PGAP1: variants seen among roughly 807,000 people sequenced by gnomAD.
PGAP1 encodes the protein GPI inositol-deacylase.
Under a neutral mutation model 127.0 loss-of-function variants are expected in PGAP1, and 76 were observed. That is an observed-to-expected ratio of 0.60 (90% CI 0.50 to 0.72). The LOEUF is 0.72. Among genes scored for constraint, PGAP1 ranks in the 30% least tolerant of loss-of-function variants. PGAP1 has a pLI of 0.00. For missense variants in PGAP1, 982 were observed against 1,071.3 expected, an observed-to-expected ratio of 0.92 and a Z score of 1.16; for synonymous variants, 362 against 366.5, an observed-to-expected ratio of 0.99 and a Z score of 0.14.
rs1347562327 is a variant in PGAP1 at position 196,835,508 on chromosome 2, A to C, written c.*5726T>G. On this transcript the variant is annotated 3_prime_UTR_variant, in exon 27 of 27. Transcript: ENST00000354764. ...ACCCAATAAAATCAGAAAACATTCAAGCAATCACACAAAATAGAACACACT... is the reference window on the plus strand; with the variant it reads ...ACCCAATAAAATCAGAAAACATTCACGCAATCACACAAAATAGAACACACT... The C allele has an allele frequency of 6.6e-6, 1 of 152,130 alleles. No individual in the cohort carries two copies. The highest frequency in any genetic ancestry group is 1.5e-5 in the Non-Finnish European group (1 of 67,882). The allele number at this position is 152,130 out of a possible 1,614,324, so 9.4% of individuals were successfully genotyped here. A position where few individuals can be genotyped will look rare whatever the true frequency, so the allele number is the denominator to read the frequency against.
rs1576131695 is a variant in PGAP1, at chr2:196,872,882, A to G, written c.1619+78T>C. ...TACTGATGCATTTTAATAATTCATG[A>G]TTTAAATAAATAAACTAAGCAGAAT... On this transcript the variant is annotated intron_variant, in intron 17 of 26. Transcript: ENST00000354764. 3.1e-5 allele frequency: 20 copies of G among 650,090 alleles called. No individual in the cohort carries two copies. In the East Asian group the frequency reaches 5.6e-4, roughly 18 times the overall value. 40.3% of individuals were successfully genotyped at this position (650,090 alleles called of 1,614,324 possible).
At position 196,880,237 on chromosome 2, in the gene PGAP1, C is replaced by A. The variant is rs906975632; in HGVS notation, c.1273-84G>T. 25 of 838,616 alleles carry A rather than the reference C, an allele frequency of 3.0e-5. No homozygotes were observed. In the South Asian group the frequency reaches 3.8e-4, roughly 13 times the overall value. 51.9% of individuals were successfully genotyped at this position (838,616 alleles called of 1,614,324 possible). On this transcript the variant is annotated intron_variant, in intron 12 of 26. Transcript: ENST00000354764. ...AAAAATAAATAACACTTATTTCTTA[C>A]TTAATTCGTTATCTTAAAAAGCAGG...
Position 196,890,828 on chromosome 2 carries a change from C to A in PGAP1, c.1173G>T (p.Leu391=). The change falls in exon 10 of 27, where the codon CTG becomes CTT. Residue 391 remains leucine (L), a splice_region_variant and synonymous_variant. Coordinates refer to ENST00000354764, the MANE Select transcript of PGAP1 (RefSeq NM_024989.4). ...ACATAAAATGTACCAATTATCTTAC[C>A]AGCATAGTGCTCTGACAATAGACAT... ...YTHVYCQSTM[L]DTNSWIFACI... is the part of the protein sequence containing the mutation. The A allele has an allele frequency of 6.6e-7, 1 of 1,515,980 alleles. No homozygotes were observed. Among genetic ancestry groups the A allele is most frequent in the African/African-American group, 1.4e-5 (1 of 72,692 alleles). 93.9% of individuals were successfully genotyped at this position (1,515,980 alleles called of 1,614,324 possible).
chr2:196,872,024 AAAT>A (rs142794214), intron 18 of PGAP1, among the ~76,000 whole-genome samples: 4,962 of 152,254 alleles, frequency 0.033, 109 homozygotes, highest in South Asian at 0.089. Context: ...GCAGAGCTTA[AAAT>A]AATTAGTGAA....
chr2:196,899,919 T>C (rs184684992), intron 5 of PGAP1, among the ~76,000 whole-genome samples: 147 of 152,278 alleles, frequency 9.7e-4, no homozygotes, highest in African/African-American at 3.3e-3. Flanking sequence ...GTGCCTCTAA[T>C]CCCAGCTACT....
At chr2:196,864,017 T>C (rs937573573) in intron 20 of PGAP1, among the ~76,000 whole-genome samples, 2 of 152,218 alleles carry the variant, frequency 1.3e-5, no homozygotes, top group Non-Finnish European at 2.9e-5. Flanking sequence ...ATTATATGAA[T>C]GTGTCAAAAT....
At position 196,835,127 on chromosome 2, in the gene PGAP1, T is replaced by C. The variant is rs556237333; in HGVS notation, c.*6107A>G. The C allele has an allele frequency of 6.6e-6, 1 of 152,190 alleles. No homozygotes were observed. The highest frequency in any genetic ancestry group is 1.9e-4 in the East Asian group (1 of 5,196). The allele number at this position is 152,190 out of a possible 1,614,324, so 9.4% of individuals were successfully genotyped here. A position where few individuals can be genotyped will look rare whatever the true frequency, so the allele number is the denominator to read the frequency against. On this transcript the variant is annotated 3_prime_UTR_variant, in exon 27 of 27. Coordinates refer to ENST00000354764, the MANE Select transcript of PGAP1 (RefSeq NM_024989.4). Reference sequence around the variant, plus strand: ...CTTAATGCTGATAAAAAATAATTTCTAAGCCTATCACATTTTCTACTTTTC... The same window carrying C: ...CTTAATGCTGATAAAAAATAATTTCCAAGCCTATCACATTTTCTACTTTTC...
chr2:196,866,928 CAAT>C (rs201326903), intron 19 of PGAP1, among the ~76,000 whole-genome samples: 2,222 of 151,992 alleles, frequency 0.015, 33 homozygotes, highest in South Asian at 0.041. Context: ...ATCAAAACAA[CAAT>C]GAGATACCAT....
intron 7 of PGAP1, among the ~76,000 whole-genome samples, chr2:196,894,543 C>G (rs989457087): frequency 2.0e-5 from 3 of 152,182 alleles, no homozygotes; most frequent in Non-Finnish European, 2.9e-5. Flanking sequence ...TGGCTCATGC[C>G]TGTAATTCCA....
chr2:196,921,531 G>A (rs186130728), intron 1 of PGAP1, among the ~76,000 whole-genome samples: 1 of 152,164 alleles, frequency 6.6e-6, no homozygotes, highest in East Asian at 1.9e-4. Context: ...CAAAGAAATA[G>A]TTTCCTATTT....
intron 4 of PGAP1, among the ~76,000 whole-genome samples, chr2:196,909,860 T>A (rs1702778889): frequency 2.2e-4 from 1 of 4,644 alleles, no homozygotes. Flanking sequence ...CACAATTGCT[T>A]CAAAGAGAAT....
At chr2:196,871,886 G>T (rs1178821973) in intron 18 of PGAP1, among the ~76,000 whole-genome samples, 2 of 151,850 alleles carry the variant, frequency 1.3e-5, no homozygotes, top group Admixed American at 1.3e-4. Context: ...GGAATCTAGG[G>T]GCTCTTCATT....
chr2:196,854,363 T>C (rs1031251352), intron 20 of PGAP1, among the ~76,000 whole-genome samples: 1 of 152,188 alleles, frequency 6.6e-6, no homozygotes, highest in African/African-American at 2.4e-5. Flanking sequence ...TAAGTGATAC[T>C]AGATCTTCTT....
At chr2:196,861,565 G>C (rs901088984) in intron 20 of PGAP1, among the ~76,000 whole-genome samples, 3 of 152,190 alleles carry the variant, frequency 2.0e-5, no homozygotes, top group Non-Finnish European at 2.9e-5. Flanking sequence ...GTCAGATGTG[G>C]TGGCTCACGC....
intron 6 of PGAP1, 146 bp downstream of exon 6, chr2:196,898,170 AT>A (rs1702348227): frequency 1.9e-6 from 1 of 530,532 alleles, no homozygotes; most frequent in African/African-American, 2.0e-5. Context: ...GTGAGCTGAA[AT>A]TGCACCACTG....
intron 25 of PGAP1, 104 bp downstream of exon 25, chr2:196,843,784 G>C (rs975088127): frequency 1.6e-6 from 1 of 623,258 alleles, no homozygotes; most frequent in Non-Finnish European, 2.4e-6. Context: ...ATAGCTTCCT[G>C]TTCCTGAGGA....
chr2:196,895,859 C>T (rs1702252848), intron 7 of PGAP1, among the ~76,000 whole-genome samples: 1 of 152,182 alleles, frequency 6.6e-6, no homozygotes, highest in Non-Finnish European at 1.5e-5. Context: ...AGGGGAAATA[C>T]TCCAAAAATA....
Position 196,897,210 on chromosome 2 carries a change from G to A in PGAP1, c.861-13C>T. ...CAATTGTTTACACCTAAGGAATAAA[G>A]TAAGTGTTACAAATAAAACTTTCTT... is the stretch of plus-strand genomic sequence containing the variant. On this transcript the variant is annotated splice_polypyrimidine_tract_variant and intron_variant, in intron 6 of 26. Transcript: ENST00000354764. 2 of 1,515,418 alleles carry A rather than the reference G, an allele frequency of 1.3e-6. No individual in the cohort carries two copies. The highest frequency in any genetic ancestry group is 1.3e-5 in the South Asian group (1 of 79,722). The allele number at this position is 1,515,418 out of a possible 1,614,324, so 93.9% of individuals were successfully genotyped here.
chr2:196,915,086 C>T (rs1394227588), intron 3 of PGAP1, among the ~76,000 whole-genome samples: 1 of 152,196 alleles, frequency 6.6e-6, no homozygotes, highest in Admixed American at 6.5e-5. Context: ...ACATTTGACA[C>T]AGTTGATAAC....
Sources: allele counts gnomAD v4.1 joint callset (sites outside exome capture counted in the v4.1 genomes callset), GRCh38; gene constraint gnomAD v4.1.1; transcripts MANE v1.5; gene names NCBI Gene and HGNC (gene_info 2026-07-23, HGNC 2026-07-21).